CCDC171: variants seen among roughly 807,000 people sequenced by gnomAD.
CCDC171 encodes the protein coiled-coil domain containing 171, also known as coiled-coil domain-containing protein 171.
CCDC171 carries 177 observed loss-of-function variants against 168.2 expected under a neutral mutation model. The observed-to-expected ratio is 1.05, with a 90% confidence interval of 0.93 to 1.19. The LOEUF (loss-of-function observed/expected upper bound fraction) is 1.19, where lower values mean the gene tolerates loss of function less well. Among genes scored for constraint, CCDC171 ranks in the 50% most tolerant of loss-of-function variants. CCDC171 has a pLI of 0.00. For synonymous variants in CCDC171, 687 were observed against 540.8 expected (o/e 1.27, Z -3.75); for missense variants, 1,991 against 1,539.0 (o/e 1.29, Z -4.91).
chr9:15,692,203 C>G (rs145684503), intron 10 of CCDC171, among the ~76,000 whole-genome samples: 525 of 152,198 alleles, frequency 3.4e-3, no homozygotes, highest in African/African-American at 0.011. Context: ...TGGTGAAACC[C>G]TGTCTCTACC....
chr9:16,036,997 G>C (rs1362801004), intron 8 of CCDC171, among the ~76,000 whole-genome samples: 1 of 152,182 alleles, frequency 6.6e-6, no homozygotes, highest in Non-Finnish European at 1.5e-5. Context: ...AGAGTAGAAT[G>C]CTAGGAAGGG....
At chr9:15,633,299 C>G (rs1189286806) in intron 7 of CCDC171, among the ~76,000 whole-genome samples, 1 of 152,124 alleles carries the variant, frequency 6.6e-6, no homozygotes, top group African/African-American at 2.4e-5. Flanking sequence ...TATCCAGAAT[C>G]TACAATGAAC....
chr9:15,893,797 G>C (rs559041418), intron 24 of CCDC171, among the ~76,000 whole-genome samples: 1 of 152,148 alleles, frequency 6.6e-6, no homozygotes, highest in Non-Finnish European at 1.5e-5. Flanking sequence ...TGGTGAGGTC[G>C]TGGAGAAAAA....
intron 24 of CCDC171, among the ~76,000 whole-genome samples, chr9:15,883,742 A>G (rs1819021220): frequency 6.6e-6 from 1 of 152,238 alleles, no homozygotes; most frequent in African/African-American, 2.4e-5. Context: ...CCTTGCGGGA[A>G]TGATCTGGTA....
rs564064943 is a variant in CCDC171, at chr9:15,849,026, T to A, written c.3468+79T>A. The A allele has an allele frequency of 2.3e-4, 159 of 697,998 alleles. No homozygotes were observed. In the African/African-American group the frequency reaches 2.5e-3, roughly 11 times the overall value. The allele number at this position is 697,998 out of a possible 1,614,324, so 43.2% of individuals were successfully genotyped here. ...TATTTTTATTAGCCACAAAGTACTT[T>A]CATTGATTTTGAAAGTTAAAAAAAT... is the stretch of plus-strand genomic sequence containing the variant. On this transcript the variant is annotated intron_variant, in intron 23 of 25. Transcript: ENST00000380701.
intron 25 of CCDC171, among the ~76,000 whole-genome samples, chr9:15,953,767 A>G (rs936165671): frequency 1.3e-5 from 2 of 152,052 alleles, no homozygotes; most frequent in African/African-American, 4.8e-5. Context: ...TCTTCTTTAA[A>G]TGTTTGGTAG....
chr9:15,715,314 T>C (rs533522801), intron 11 of CCDC171, among the ~76,000 whole-genome samples: 1 of 152,372 alleles, frequency 6.6e-6, no homozygotes, highest in East Asian at 1.9e-4. Flanking sequence ...TAGGCACTAA[T>C]GTTTGCAAGA....
intron 24 of CCDC171, among the ~76,000 whole-genome samples, chr9:15,916,053 T>C (rs1589118257): frequency 6.6e-6 from 1 of 152,050 alleles, no homozygotes; most frequent in African/African-American, 2.4e-5. Flanking sequence ...CATTGTGAGA[T>C]CTTCTTCCTT....
chr9:15,861,228 T>TTA (rs59119530), intron 23 of CCDC171, among the ~76,000 whole-genome samples: 6 of 151,540 alleles, frequency 4.0e-5, no homozygotes, highest in African/African-American at 7.3e-5. Context: ...TTTTTTTTTT[T>TTA]AAATCCGTTC....
intron 21 of CCDC171, among the ~76,000 whole-genome samples, chr9:15,824,643 A>C (rs910617883): frequency 6.6e-6 from 1 of 152,104 alleles, no homozygotes; most frequent in Non-Finnish European, 1.5e-5. Flanking sequence ...AAATAGATGA[A>C]CAGAACAACG....
chr9:15,871,872 G>T (rs1164872380), intron 23 of CCDC171, among the ~76,000 whole-genome samples: 1 of 151,830 alleles, frequency 6.6e-6, no homozygotes, highest in Admixed American at 6.6e-5. Flanking sequence ...TAGTGTCACT[G>T]TTTTGGATTC....
chr9:15,858,980 C>T (rs2061446136), intron 23 of CCDC171, among the ~76,000 whole-genome samples: 1 of 152,028 alleles, frequency 6.6e-6, no homozygotes, highest in South Asian at 2.1e-4. Flanking sequence ...AGAGGAAAAG[C>T]TTTAAGTTTT....
rs1243066740 is a variant in CCDC171, at chr9:15,589,486, G to C, written c.353-1880G>C. 3.9e-5 allele frequency among the ~76,000 whole-genome samples: 6 copies of C among 152,108 alleles called. No homozygotes were observed. The East Asian group carries it at 9.6e-4, about 24-fold the overall frequency. On this transcript the variant is annotated intron_variant, in intron 4 of 25. Transcript: ENST00000380701. ...AGTCAGAGTCTGCTTGTGAAAAGTT[G>C]TTAAACAACATGTTAATGTGAAATG...
chr9:15,603,812 T>A (rs1458132066), intron 6 of CCDC171, among the ~76,000 whole-genome samples: 1 of 152,194 alleles, frequency 6.6e-6, no homozygotes, highest in Non-Finnish European at 1.5e-5. Flanking sequence ...GTTCTAGATC[T>A]TTGAGGAATT....
At chr9:16,089,116 T>A in the CCDC171 span, among the ~76,000 whole-genome samples, 2 of 152,084 alleles carry the variant, frequency 1.3e-5, no homozygotes, top group African/African-American at 4.8e-5. Flanking sequence ...GGGGAAAATA[T>A]TCCCTATTTA....
chr9:15,843,765 G>C (rs1212423625), intron 21 of CCDC171, among the ~76,000 whole-genome samples: 3 of 152,050 alleles, frequency 2.0e-5, no homozygotes, highest in African/African-American at 7.2e-5. Flanking sequence ...TTGCTTAAAG[G>C]CCTCAAGGCC....
At chr9:15,896,478 A>G in intron 24 of CCDC171, among the ~76,000 whole-genome samples, 1 of 152,086 alleles carries the variant, frequency 6.6e-6, no homozygotes, top group East Asian at 1.9e-4. Flanking sequence ...GCCATTTCAA[A>G]TGCCAAAAAA....
At chr9:15,651,153 A>C (rs2047483845) in intron 7 of CCDC171, among the ~76,000 whole-genome samples, 1 of 151,410 alleles carries the variant, frequency 6.6e-6, no homozygotes, top group African/African-American at 2.4e-5. Flanking sequence ...TGTCTCACCC[A>C]GGCTGGAGTG....
intron 8 of CCDC171, among the ~76,000 whole-genome samples, chr9:15,659,260 C>T (rs942031022): frequency 6.6e-6 from 1 of 152,050 alleles, no homozygotes; most frequent in African/African-American, 2.4e-5. Flanking sequence ...AGCCAGTTTC[C>T]CAGGTGTTAG....
Sources: gnomAD v4.1 joint callset for allele counts (sites outside exome capture counted in the v4.1 genomes callset) on GRCh38, gnomAD v4.1.1 for gene constraint, MANE v1.5 for transcripts, NCBI Gene and HGNC (gene_info 2026-07-23, HGNC 2026-07-21) for gene names.